ASIC2: variants seen among roughly 807,000 people sequenced by gnomAD.
ASIC2 encodes acid-sensing ion channel 2.
ASIC2 carries 25 observed loss-of-function variants against 57.3 expected under a neutral mutation model. The observed-to-expected ratio is 0.44, with a 90% CI of 0.32 to 0.61. The LOEUF (loss-of-function observed/expected upper bound fraction) is 0.61. Ranked by LOEUF, ASIC2 falls within the 20% of genes least tolerant of loss-of-function variation. The probability of loss-of-function intolerance (pLI) is 0.06; values close to 1 mark genes in which losing one functional copy is unlikely to be tolerated. For synonymous variants in ASIC2, 319 were observed against 307.5 expected (o/e 1.04, Z -0.39); for missense variants, 641 against 738.1 (o/e 0.87, Z 1.52).
At position 33,844,729 on chromosome 17, in the gene ASIC2, C is replaced by T. The variant is rs1175431944; in HGVS notation, c.555+311249G>A. On this transcript the variant is annotated intron_variant, in intron 1 of 9. Transcript: ENST00000359872. ...CCAATTTAAAGAATAATCCAGCTGA[C>T]AGATATAAACTGTCAACCTGTTATT... is the stretch of plus-strand genomic sequence containing the variant. Among the ~76,000 whole-genome samples, 5 of 152,180 alleles carry T rather than the reference C, an allele frequency of 3.3e-5. 1 individual carries two copies. Among genetic ancestry groups the T allele is most frequent in the Admixed American group, 2.6e-4 (4 of 15,270 alleles).
chr17:33,966,737 CCTT>C (rs1448441935), intron 1 of ASIC2, among the ~76,000 whole-genome samples: 6 of 152,214 alleles, frequency 3.9e-5, no homozygotes, highest in African/African-American at 1.4e-4. Context: ...TTCTTTGACT[CCTT>C]CTGTTCTCAG....
At chr17:33,530,314 G>A (rs569305988) in intron 1 of ASIC2, 1 of 152,224 alleles carries the variant, frequency 6.6e-6, no homozygotes, top group Non-Finnish European at 1.5e-5. Context: ...GGAGCTTCTA[G>A]AAAAATAAAA....
chr17:34,103,721 T>C (rs1910946772), intron 1 of ASIC2, among the ~76,000 whole-genome samples: 1 of 152,184 alleles, frequency 6.6e-6, no homozygotes, highest in Admixed American at 6.5e-5. Context: ...CTTTCCTTTT[T>C]CCTTTGAGTG....
intron 1 of ASIC2, among the ~76,000 whole-genome samples, chr17:33,318,522 G>A (rs1028082336): frequency 1.3e-5 from 2 of 152,206 alleles, no homozygotes; most frequent in African/African-American, 2.4e-5. Flanking sequence ...CAATTGCACA[G>A]CCAAATAGTT....
chr17:33,358,432 A>G (rs1377307091), intron 1 of ASIC2, among the ~76,000 whole-genome samples: 1 of 152,224 alleles, frequency 6.6e-6, no homozygotes, highest in Non-Finnish European at 1.5e-5. Context: ...ATGGATTTAG[A>G]GTCCCTTGTG....
At chr17:33,407,219 A>T (rs1245956179) in intron 1 of ASIC2, among the ~76,000 whole-genome samples, 3 of 152,246 alleles carry the variant, frequency 2.0e-5, no homozygotes, top group Non-Finnish European at 4.4e-5. Context: ...TAAGAAAATC[A>T]TCTTGGAGAA....
intron 1 of ASIC2, among the ~76,000 whole-genome samples, chr17:33,327,836 G>T (rs915930211): frequency 6.6e-6 from 1 of 152,184 alleles, no homozygotes; most frequent in African/African-American, 2.4e-5. Flanking sequence ...TTAAGATAAA[G>T]TCATACTGGA....
At chr17:33,121,651 C>T (rs190513241) in intron 1 of ASIC2, among the ~76,000 whole-genome samples, 1 of 152,300 alleles carries the variant, frequency 6.6e-6, no homozygotes, top group Non-Finnish European at 1.5e-5. Flanking sequence ...CTGTCTTCCA[C>T]ACTGGAACCT....
At chr17:33,247,424 C>T (rs1908728066) in intron 1 of ASIC2, among the ~76,000 whole-genome samples, 1 of 152,120 alleles carries the variant, frequency 6.6e-6, no homozygotes, top group South Asian at 2.1e-4. Flanking sequence ...TTCAGCTCTC[C>T]TTCGGATCTC....
chr17:34,067,932 T>C (rs1167849335), intron 1 of ASIC2, among the ~76,000 whole-genome samples: 1 of 152,226 alleles, frequency 6.6e-6, no homozygotes, highest in African/African-American at 2.4e-5. Context: ...ATAAACATTA[T>C]CCTGTTAGTC....
intron 1 of ASIC2, chr17:33,794,137 G>A (rs1465218849): frequency 2.6e-5 from 4 of 152,144 alleles, no homozygotes; most frequent in African/African-American, 4.8e-5. Flanking sequence ...CCTCCTAGGA[G>A]CCCCAATTTG....
In ASIC2 at chr17:33,672,329, C is replaced by G. The variant is rs569911090; in HGVS notation, c.555+483649G>C. Among the ~76,000 whole-genome samples, 249 of 152,120 alleles carry G rather than the reference C, an allele frequency of 1.6e-3. 2 individuals carry two copies. Among genetic ancestry groups the G allele is most frequent in the Non-Finnish European group, 2.4e-3 (160 of 67,992 alleles). On this transcript the variant is annotated intron_variant, in intron 1 of 9. Transcript: ENST00000359872. ...GAGGTTCTTCTATGCTATTACCCAC[C>G]CCCTCCCATACCTACCTTTCCTACC...
At chr17:34,111,604 T>C (rs1200149335) in intron 1 of ASIC2, among the ~76,000 whole-genome samples, 1 of 152,196 alleles carries the variant, frequency 6.6e-6, no homozygotes, top group Non-Finnish European at 1.5e-5. Context: ...TGACACTTAT[T>C]GTTTTTGATG....
intron 1 of ASIC2, among the ~76,000 whole-genome samples, chr17:33,708,079 A>T (rs1908915599): frequency 2.0e-5 from 3 of 152,190 alleles, no homozygotes; most frequent in African/African-American, 7.2e-5. Flanking sequence ...CTCCTGCTAG[A>T]TAGGGGAGGG....
At chr17:33,586,743 C>T (rs1367180080) in intron 1 of ASIC2, among the ~76,000 whole-genome samples, 1 of 152,170 alleles carries the variant, frequency 6.6e-6, no homozygotes, top group Non-Finnish European at 1.5e-5. Flanking sequence ...TCTCCCAATC[C>T]ATCTAAACTG....
At chr17:33,049,362 A>G (rs993907426) in intron 3 of ASIC2, among the ~76,000 whole-genome samples, 4 of 152,126 alleles carry the variant, frequency 2.6e-5, no homozygotes, top group Non-Finnish European at 5.9e-5. Context: ...AACAGCTCAT[A>G]TCTCACTGTT....
At chr17:33,697,610 A>G (rs966573844) in intron 1 of ASIC2, among the ~76,000 whole-genome samples, 5 of 152,206 alleles carry the variant, frequency 3.3e-5, no homozygotes, top group Admixed American at 6.5e-5. Context: ...GCCCCTGGCC[A>G]TAGGCTACCA....
At chr17:34,068,986 C>T (rs8071246) in intron 1 of ASIC2, among the ~76,000 whole-genome samples, 132,590 of 152,156 alleles carry the variant, frequency 0.87, 57,915 homozygotes, top group South Asian at 0.9. Context: ...CCATTAGCCA[C>T]GCCACTCAAA....
At chr17:34,133,956 CA>C (rs1912062816) in intron 1 of ASIC2, among the ~76,000 whole-genome samples, 1 of 152,144 alleles carries the variant, frequency 6.6e-6, no homozygotes, top group African/African-American at 2.4e-5. Context: ...GCCCCCATCA[CA>C]AAGAATCCTG....
Sources: allele counts gnomAD v4.1 joint callset (sites outside exome capture counted in the v4.1 genomes callset), GRCh38; gene constraint gnomAD v4.1.1; transcripts MANE v1.5; gene names NCBI Gene and HGNC (gene_info 2026-07-23, HGNC 2026-07-21).